Variants in ARHGAP27 observed in about 807,000 individuals in gnomAD.
The protein encoded by ARHGAP27 is rho GTPase-activating protein 27.
In ARHGAP27, 53 loss-of-function variants were observed where a neutral mutation model predicts 102.0. The observed-to-expected ratio is 0.52, with a 90% CI of 0.42 to 0.65. The LOEUF is 0.65. ARHGAP27 is among the 30% of genes least tolerant of loss of function. ARHGAP27 has a pLI of 0.00. For missense variants in ARHGAP27, 1,117 were observed against 1,256.2 expected (o/e 0.89, Z 1.68); for synonymous variants, 525 against 542.8 (o/e 0.97, Z 0.46).
intron 13 of ARHGAP27, 108 bp downstream of exon 13, chr17:45,397,841 T>A: frequency 1.1e-6 from 1 of 940,172 alleles, no homozygotes; most frequent in Non-Finnish European, 1.6e-6. Context: ...GGGGACTGCA[T>A]TTGCATTACC....
chr17:45,400,566 C>G (rs570734971), intron 12 of ARHGAP27, among the ~76,000 whole-genome samples: 6 of 152,324 alleles, frequency 3.9e-5, no homozygotes, highest in African/African-American at 1.4e-4. Context: ...TCATTGAGAA[C>G]TGTTTGAAGG....
At position 45,404,088 on chromosome 17, in the gene ARHGAP27, G is replaced by A; in HGVS notation, c.1488C>T (p.Thr496=). 1 of 1,614,142 alleles carries A rather than the reference G, an allele frequency of 6.2e-7. No homozygotes were observed. Among genetic ancestry groups the A allele is most frequent in the Non-Finnish European group, 8.5e-7 (1 of 1,180,022 alleles). ...SPATAAVRTK[T]LDKAGVLHRT... ...GATGGAGCACCCCTGCCTTGTCCAA[G>A]GTCTTGGTCTAAGAGAGAGAAGAGA... Residue 496 remains threonine (T), a synonymous_variant, in exon 10 of 20, where the codon ACC becomes ACT. Coordinates refer to ENST00000685559, the MANE Select transcript of ARHGAP27 (RefSeq NM_001282290.2).
intron 11 of ARHGAP27, among the ~76,000 whole-genome samples, chr17:45,403,329 G>C (rs150258501): frequency 2.2e-4 from 34 of 152,292 alleles, no homozygotes; most frequent in African/African-American, 8.2e-4. Flanking sequence ...GGAGGTCGAG[G>C]TGGGCGGATC....
rs1403202007 is a variant in ARHGAP27 at position 45,395,373 on chromosome 17, G to GAGA, written c.*80_*82dup. On this transcript the variant is annotated 3_prime_UTR_variant, in exon 20 of 20. Coordinates refer to ENST00000685559, the MANE Select transcript of ARHGAP27 (RefSeq NM_001282290.2). ...CTATGCGCTGGCGGAGGGTCCCAGA[G>GAGA]AGAAGAAGGCCCGGCTGCGTGGCCT... The GAGA allele has an allele frequency of 3.4e-6, 5 of 1,464,208 alleles. No individual in the cohort carries two copies. The highest frequency in any genetic ancestry group is 2.2e-4 in the Middle Eastern group (1 of 4,520). The allele number at this position is 1,464,208 out of a possible 1,614,324, so 90.7% of individuals were successfully genotyped here. A position where few individuals can be genotyped will look rare whatever the true frequency, so the allele number is the denominator to read the frequency against.
At chr17:45,429,536 G>T (rs2145083908) in intron 4 of ARHGAP27, 87 bp downstream of exon 4, 2 of 1,549,174 alleles carry the variant, frequency 1.3e-6, no homozygotes, top group Non-Finnish European at 1.7e-6. Flanking sequence ...GACGCTGAGC[G>T]GAGCGGGTCT....
At chr17:45,399,082 G>A (rs1358723538) in intron 12 of ARHGAP27, among the ~76,000 whole-genome samples, 3 of 152,180 alleles carry the variant, frequency 2.0e-5, no homozygotes, top group Non-Finnish European at 4.4e-5. Flanking sequence ...CAGCTTAGTT[G>A]GATTCCTTAT....
In ARHGAP27 at chr17:45,396,949, G is replaced by C; in HGVS notation, c.1918C>G (p.Gln640Glu). 1 of 1,606,136 alleles carries C rather than the reference G, an allele frequency of 6.2e-7. No homozygotes were observed. The highest frequency in any genetic ancestry group is 8.5e-7 in the Non-Finnish European group (1 of 1,179,968). The change falls in exon 14 of 20, where the codon CAG becomes GAG. Residue 640 changes from glutamine (Q) to glutamate (E), a missense_variant. By Grantham distance (29) the Gln-to-Glu change is conservative. Around this residue, in one of 3 missense-constraint regions of ARHGAP27, gnomAD observed 493 missense variants for 505.5 expected, o/e 0.98. Coordinates refer to ENST00000685559, the MANE Select transcript of ARHGAP27 (RefSeq NM_001282290.2). The part of the protein sequence containing the change: ...FGSSERLGSW[Q>E]EKEEDARPNA... ...GGTCGCGCGTCCTCCTCTTTCTCCT[G>C]CCAGCTTCCCAAGCGCTCGCTCGAC...
chr17:45,404,079 C>T lies in ARHGAP27; in HGVS notation c.1497G>A (p.Lys499=), dbSNP rs777786602. 29 of 1,614,064 alleles carry T rather than the reference C, an allele frequency of 1.8e-5. No homozygotes were observed. The highest frequency in any genetic ancestry group is 2.4e-5 in the Non-Finnish European group (28 of 1,180,030). The change falls in exon 10 of 20, where the codon AAG becomes AAA. Residue 499 remains lysine, a synonymous_variant. Transcript: ENST00000685559. ...TCTTGGTGCGATGGAGCACCCCTGC[C>T]TTGTCCAAGGTCTTGGTCTAAGAGA... is the stretch of plus-strand genomic sequence containing the variant. ...TAAVRTKTLD[K]AGVLHRTKTA... is the part of the protein sequence containing the mutation.
chr17:45,396,860 G>A lies in ARHGAP27; in HGVS notation c.1951+56C>T, dbSNP rs7213200. On this transcript the variant is annotated intron_variant, in intron 14 of 19. Coordinates refer to ENST00000685559, the MANE Select transcript of ARHGAP27 (RefSeq NM_001282290.2). ...GCAGGCCAGGCAGGCCCCAGCAACC[G>A]TCACTCCCCAGGAGAGGCCTCCTGG... 1,841 of 1,606,724 alleles carry A rather than the reference G, an allele frequency of 1.1e-3. 17 individuals are homozygous for A. The African/African-American group carries it at 0.021, about 18-fold the overall frequency.
At chr17:45,431,182 G>C (rs1182863468) in intron 3 of ARHGAP27, among the ~76,000 whole-genome samples, 1 of 152,146 alleles carries the variant, frequency 6.6e-6, no homozygotes, top group Non-Finnish European at 1.5e-5. Flanking sequence ...TCCCAGAGCA[G>C]GGCCACCCAA....
rs1162358694 is a variant in ARHGAP27, at chr17:45,406,034, C to T, written c.707G>A (p.Arg236Gln). ...TGCAGCGGCGCCCGGTGAAGTGGCC[C>T]GGGGCTGCCTCTCTATGTTCGCGTA... ...PVYANIERQP[R>Q]ATSPGAAAAP... The change falls in exon 5 of 20, where the codon CGG (arginine) becomes CAG (glutamine). Residue 236 changes from arginine to glutamine, a missense_variant. Arg to Gln is a conservative substitution (Grantham distance 43). This residue lies in a region of ARHGAP27 where 610 missense variants were observed against 716.4 expected (regional missense o/e 0.85). Coordinates refer to ENST00000685559, the MANE Select transcript of ARHGAP27 (RefSeq NM_001282290.2). The T allele has an allele frequency of 3.3e-6, 5 of 1,533,914 alleles. No individual in the cohort carries two copies. The highest frequency in any genetic ancestry group is 3.9e-5 in the Admixed American group (2 of 50,862).
At position 45,432,767 on chromosome 17, in the gene ARHGAP27, C is replaced by T. The variant is rs1251127723; in HGVS notation, c.-300G>A. 7 of 151,810 alleles carry T rather than the reference C, an allele frequency of 4.6e-5. No individual in the cohort carries two copies. The highest frequency in any genetic ancestry group is 1.0e-4 in the Non-Finnish European group (7 of 67,946). 9.4% of individuals were successfully genotyped at this position (151,810 alleles called of 1,614,324 possible). ...GCCCGGGCACCTCGGGGCGTCCGCTCGCCGGCTTCGCCTCCACTTGCCCCG... is the reference window on the plus strand; with the variant it reads ...GCCCGGGCACCTCGGGGCGTCCGCTTGCCGGCTTCGCCTCCACTTGCCCCG... On this transcript the variant is annotated 5_prime_UTR_variant, in exon 1 of 20. Transcript: ENST00000685559.
chr17:45,405,206 T>G, intron 5 of ARHGAP27, 100 bp from the exon 6 acceptor site: 1 of 1,311,784 alleles, frequency 7.6e-7, no homozygotes, highest in Non-Finnish European at 1.0e-6. Context: ...TTCTGGTCCC[T>G]GAGGCTGTGG....
intron 4 of ARHGAP27, among the ~76,000 whole-genome samples, chr17:45,413,156 T>A (rs1360728093): frequency 1.3e-5 from 2 of 151,370 alleles, no homozygotes; most frequent in African/African-American, 4.9e-5. Flanking sequence ...ATTTTTGTAC[T>A]TTTAGTAGAG....
At position 45,430,948 on chromosome 17, in the gene ARHGAP27, TTC is replaced by T. The variant is rs2050018123; in HGVS notation, c.-18-653_-18-652del. Among the ~76,000 whole-genome samples, 1 of 151,436 alleles carries T rather than the reference TTC, an allele frequency of 6.6e-6. No homozygotes were observed. Among genetic ancestry groups the T allele is most frequent in the Admixed American group, 6.6e-5 (1 of 15,234 alleles). ...TCCGCTGCCAATGCAGGGGAACCGG[TTC>T]TCTCGGTTTCTCTTTCCTTCCCCAG... On this transcript the variant is annotated intron_variant, in intron 3 of 19. Transcript: ENST00000685559. This position sits in a 1 kb window ranked among gnomAD's most constrained non-coding sequence, Gnocchi z 4.4.
At chr17:45,402,362 G>A (rs2046537838) in intron 12 of ARHGAP27, among the ~76,000 whole-genome samples, 1 of 152,160 alleles carries the variant, frequency 6.6e-6, no homozygotes, top group Non-Finnish European at 1.5e-5. Flanking sequence ...CTCAGCTCCT[G>A]GAGAGGGAAC....
chr17:45,417,972 T>G (rs534975595), intron 4 of ARHGAP27, among the ~76,000 whole-genome samples: 6,490 of 141,934 alleles, frequency 0.046, 211 homozygotes, highest in Non-Finnish European at 0.072. Context: ...GAGAATGGCG[T>G]GAACTCGGGA....
At chr17:45,397,394 G>C in intron 13 of ARHGAP27, 1 of 830,170 alleles carries the variant, frequency 1.2e-6, no homozygotes, top group Non-Finnish European at 1.5e-6. Flanking sequence ...AGCTGTGGCC[G>C]GAGCACTGCC....
chr17:45,425,061 T>G (rs1346357389), intron 4 of ARHGAP27, among the ~76,000 whole-genome samples: 99 of 105,186 alleles, frequency 9.4e-4, no homozygotes, highest in African/African-American at 1.1e-3. Context: ...CAATGTGGGG[T>G]GAGGGTGGGA....
Sources: allele counts gnomAD v4.1 joint callset (sites outside exome capture counted in the v4.1 genomes callset), GRCh38; gene constraint gnomAD v4.1.1; regional missense constraint gnomAD v4.1.1; non-coding constraint Gnocchi (gnomAD v3.1); transcripts MANE v1.5; gene names NCBI Gene and HGNC (gene_info 2026-07-23, HGNC 2026-07-21).